The following OXR1 variants were observed in gnomAD, a reference collection of about 807,000 sequenced individuals.
OXR1 encodes the protein oxidation resistance 1.
A neutral mutation model predicts 104.6 loss-of-function variants in OXR1; 41 were observed. That is an observed-to-expected ratio of 0.39 (90% CI 0.31 to 0.51). OXR1 has a LOEUF of 0.51. Ranked by LOEUF, OXR1 falls within the 20% of genes least tolerant of loss-of-function variation. The pLI, the probability that OXR1 is intolerant of heterozygous loss-of-function variation, is 0.77. For synonymous variants in OXR1, 348 were observed against 348.4 expected, an observed-to-expected ratio of 1.00 and a Z score of 0.01; for missense variants, 955 against 1,031.9, an observed-to-expected ratio of 0.93 and a Z score of 1.02.
At chr8:106,636,579 A>G (rs1823158820) in intron 3 of OXR1, among the ~76,000 whole-genome samples, 1 of 152,232 alleles carries the variant, frequency 6.6e-6, no homozygotes, top group South Asian at 2.1e-4. Context: ...TTATAGAGTG[A>G]GTCAGTGGGA....
intron 3 of OXR1, among the ~76,000 whole-genome samples, chr8:106,627,512 T>C (rs1822274356): frequency 6.6e-6 from 1 of 152,156 alleles, no homozygotes; most frequent in Non-Finnish European, 1.5e-5. Context: ...ATCAATTCTA[T>C]TATGTCTGAT....
intron 2 of OXR1, among the ~76,000 whole-genome samples, chr8:106,399,135 A>G (rs76523443): frequency 0.011 from 1,625 of 152,302 alleles, 31 homozygotes; most frequent in African/African-American, 0.037. Flanking sequence ...TACCACTTAG[A>G]CACTAAGCCT....
rs145564828 is a variant in OXR1, at chr8:106,369,877, C to T, written c.23+10241C>T. Among the ~76,000 whole-genome samples the T allele has an allele frequency of 4.1e-3, 630 of 152,222 alleles. 6 individuals are homozygous for T. The highest frequency in any genetic ancestry group is 0.014 in the African/African-American group (564 of 41,546). ...TTTGCTTGGGATTGTCTTGGCTATA[C>T]GAGGTCTTCTTTGATTCCATATAAA... On this transcript the variant is annotated intron_variant, in intron 2 of 16. Transcript: ENST00000517566.
At chr8:106,492,483 A>C (rs751253188) in intron 2 of OXR1, among the ~76,000 whole-genome samples, 3 of 152,190 alleles carry the variant, frequency 2.0e-5, no homozygotes, top group Non-Finnish European at 4.4e-5. Flanking sequence ...GTTGCCCTTA[A>C]AACCTGGGAA....
chr8:106,303,736 A>G (rs1330422725), intron 1 of OXR1, among the ~76,000 whole-genome samples: 1 of 152,192 alleles, frequency 6.6e-6, no homozygotes, highest in African/African-American at 2.4e-5. Context: ...TTAAAATTTA[A>G]CTAAATATTT....
At position 106,683,316 on chromosome 8, in the gene OXR1, T is replaced by A. The variant is rs555887729; in HGVS notation, c.411+10T>A. ...AGTTGTTACTGGACAGGTAGTATCT[T>A]TTTTTTAATGTGCTGATGTTTAGAA... On this transcript the variant is annotated intron_variant, in intron 5 of 16. Coordinates refer to ENST00000517566, the MANE Select transcript of OXR1 (RefSeq NM_001198533.2). 7.8e-7 allele frequency: 1 copy of A among 1,280,728 alleles called. No homozygotes were observed. The highest frequency in any genetic ancestry group is 1.2e-5 in the South Asian group (1 of 83,142). The allele number at this position is 1,280,728 out of a possible 1,614,324, so 79.3% of individuals were successfully genotyped here.
chr8:106,588,202 G>A (rs1024465804), intron 3 of OXR1, among the ~76,000 whole-genome samples: 8 of 151,772 alleles, frequency 5.3e-5, no homozygotes, highest in African/African-American at 1.7e-4. Context: ...CTCGTGATCC[G>A]CCCACCTCGG....
At chr8:106,502,194 G>A (rs1053781218) in intron 2 of OXR1, among the ~76,000 whole-genome samples, 1 of 152,176 alleles carries the variant, frequency 6.6e-6, no homozygotes, top group Non-Finnish European at 1.5e-5. Context: ...CCTGTGCTTA[G>A]CAAGGCTTCA....
intron 2 of OXR1, among the ~76,000 whole-genome samples, chr8:106,455,465 A>G (rs1820550676): frequency 6.6e-6 from 1 of 152,226 alleles, no homozygotes. Flanking sequence ...TGATAAAAAC[A>G]TTAGCCAAGG....
intron 1 of OXR1, among the ~76,000 whole-genome samples, chr8:106,348,491 T>G (rs182509852): frequency 1.3e-5 from 2 of 152,292 alleles, no homozygotes; most frequent in East Asian, 3.9e-4. Context: ...TTTAAAAAAT[T>G]TAATCTGCTG....
intron 1 of OXR1, among the ~76,000 whole-genome samples, chr8:106,284,296 G>T (rs1047628193): frequency 6.6e-6 from 1 of 152,036 alleles, no homozygotes; most frequent in Non-Finnish European, 1.5e-5. Flanking sequence ...GAGTAGAGAG[G>T]TGTTCCAGGC....
chr8:106,340,217 A>C (rs1320879009), intron 1 of OXR1, among the ~76,000 whole-genome samples: 1 of 129,674 alleles, frequency 7.7e-6, no homozygotes, highest in Non-Finnish European at 1.5e-5. Context: ...TTGTGAGGGA[A>C]AAGAAAAAAA....
intron 2 of OXR1, among the ~76,000 whole-genome samples, chr8:106,380,814 A>G (rs956932290): frequency 6.6e-6 from 1 of 152,150 alleles, no homozygotes; most frequent in Non-Finnish European, 1.5e-5. Context: ...ATTGTATTTC[A>G]TTATGGAATT....
chr8:106,595,565 A>AG (rs1819461796), intron 3 of OXR1, among the ~76,000 whole-genome samples: 2 of 151,824 alleles, frequency 1.3e-5, no homozygotes, highest in Non-Finnish European at 2.9e-5. Flanking sequence ...AAAAAAAAAA[A>AG]AAAAAGAAAA....
chr8:106,416,186 G>A (rs1818670999), intron 2 of OXR1, among the ~76,000 whole-genome samples: 1 of 151,532 alleles, frequency 6.6e-6, no homozygotes, highest in Admixed American at 6.6e-5. Flanking sequence ...GAGAAAACAG[G>A]AGCTATAGTT....
chr8:106,561,588 A>G (rs1025084100), intron 3 of OXR1, among the ~76,000 whole-genome samples: 1 of 152,184 alleles, frequency 6.6e-6, no homozygotes, highest in African/African-American at 2.4e-5. Flanking sequence ...GGCTCTGAAG[A>G]GAACAGCAGA....
chr8:106,619,455 C>T (rs573234818), intron 3 of OXR1, among the ~76,000 whole-genome samples: 1 of 152,110 alleles, frequency 6.6e-6, no homozygotes, highest in African/African-American at 2.4e-5. Context: ...ATAATTTATA[C>T]AAAATTATCA....
intron 1 of OXR1, among the ~76,000 whole-genome samples, chr8:106,334,926 G>A (rs1354019960): frequency 1.3e-5 from 2 of 152,034 alleles, no homozygotes; most frequent in Non-Finnish European, 2.9e-5. Context: ...AATAACAGAT[G>A]CAAACTCCTT....
At chr8:106,389,232 A>G (rs961568069) in intron 2 of OXR1, among the ~76,000 whole-genome samples, 1 of 152,168 alleles carries the variant, frequency 6.6e-6, no homozygotes, top group Non-Finnish European at 1.5e-5. Context: ...AATGCCTGCT[A>G]CATGCAAAAA....
Sources: allele counts gnomAD v4.1 joint callset (sites outside exome capture counted in the v4.1 genomes callset), GRCh38; gene constraint gnomAD v4.1.1; transcripts MANE v1.5; gene names NCBI Gene and HGNC (gene_info 2026-07-23, HGNC 2026-07-21).